The following PDE3A variants were observed in gnomAD, a reference collection of about 807,000 sequenced individuals.
PDE3A encodes the protein cGMP-inhibited 3',5'-cyclic phosphodiesterase 3A.
Under a neutral mutation model 98.3 loss-of-function variants are expected in PDE3A, and 43 were observed. The ratio of observed to expected loss-of-function variants is 0.44; its 90% CI spans 0.34 to 0.56. PDE3A has a LOEUF of 0.56. PDE3A is among the 20% of genes least tolerant of loss of function. The pLI is 0.01. For synonymous variants in PDE3A, 663 were observed against 567.9 expected, an observed-to-expected ratio of 1.17 and a Z score of -2.38; for missense variants, 1,427 against 1,440.7, an observed-to-expected ratio of 0.99 and a Z score of 0.15.
chr12:20,552,746 C>A lies in PDE3A; in HGVS notation c.961-3914C>A. 6.2e-7 allele frequency: 1 copy of A among 1,614,066 alleles called. No individual in the cohort carries two copies. The highest frequency in any genetic ancestry group is 8.5e-7 in the Non-Finnish European group (1 of 1,179,898). On this transcript the variant is annotated intron_variant, in intron 1 of 15. Transcript: ENST00000359062. The surrounding 1 kb of genome is among the most constrained non-coding windows in gnomAD (Gnocchi z 5.1). ...CTGGCGTCACTCAAGGACCGGCCGG[C>A]GAGCGGCAGCCCGTTCCAGTTGTTC...
At chr12:20,469,271 C>T (rs1945395812) in intron 1 of PDE3A, among the ~76,000 whole-genome samples, 1 of 151,948 alleles carries the variant, frequency 6.6e-6, no homozygotes, top group South Asian at 2.1e-4. Flanking sequence ...TAATGAATAC[C>T]CTTCTAGTTA....
chr12:20,535,312 C>A (rs1382999416), intron 1 of PDE3A, among the ~76,000 whole-genome samples: 1 of 152,128 alleles, frequency 6.6e-6, no homozygotes, highest in Non-Finnish European at 1.5e-5. Flanking sequence ...TTCACTGATG[C>A]CCCAGCCTCT....
At chr12:20,615,207 T>TTTAAC (rs1943975146) in intron 3 of PDE3A, among the ~76,000 whole-genome samples, 1 of 151,880 alleles carries the variant, frequency 6.6e-6, no homozygotes, top group Non-Finnish European at 1.5e-5. Flanking sequence ...CCTGGCCCAG[T>TTTAAC]TTAACTTTTA....
intron 15 of PDE3A, among the ~76,000 whole-genome samples, chr12:20,667,302 G>T (rs544291097): frequency 2.1e-4 from 32 of 152,086 alleles, no homozygotes; most frequent in African/African-American, 7.5e-4. Context: ...GTCTGTATTT[G>T]TTTTTGTTGC....
rs989316924 is a variant in PDE3A, at chr12:20,445,010, C to T, written c.960+74766C>T. Reference sequence around the variant, plus strand: ...ACCTAATGTCAAGCCTTAGAAAACACCTCATACTGTGGCCAGCTGTCATCA... The same window carrying T: ...ACCTAATGTCAAGCCTTAGAAAACATCTCATACTGTGGCCAGCTGTCATCA... On this transcript the variant is annotated intron_variant, in intron 1 of 15. Coordinates refer to ENST00000359062, the MANE Select transcript of PDE3A (RefSeq NM_000921.5). Among the ~76,000 whole-genome samples the T allele has an allele frequency of 2.8e-4, 42 of 152,196 alleles. 1 individual carries two copies. The highest frequency in any genetic ancestry group is 9.7e-4 in the African/African-American group (40 of 41,436).
chr12:20,686,015 G>A lies in PDE3A; in HGVS notation c.*5744G>A, dbSNP rs1035452794. Among the ~76,000 whole-genome samples, 7 of 151,966 alleles carry A rather than the reference G, an allele frequency of 4.6e-5. No homozygotes were observed. Among genetic ancestry groups the A allele is most frequent in the East Asian group, 1.9e-4 (1 of 5,192 alleles). ...AATGAAACCCACAAAATGACATTCC[G>A]TGGTACTGAGTATTTTCACATAATC... On this transcript the variant is annotated 3_prime_UTR_variant, in exon 16 of 16. Coordinates refer to ENST00000359062, the MANE Select transcript of PDE3A (RefSeq NM_000921.5).
intron 1 of PDE3A, among the ~76,000 whole-genome samples, chr12:20,406,427 T>C (rs932016193): frequency 6.6e-6 from 1 of 152,196 alleles, no homozygotes; most frequent in African/African-American, 2.4e-5. Context: ...TCCTAATAGG[T>C]GTGAGGGAAT....
At chr12:20,430,024 T>A (rs1311863986) in intron 1 of PDE3A, among the ~76,000 whole-genome samples, 3 of 152,212 alleles carry the variant, frequency 2.0e-5, no homozygotes, top group African/African-American at 7.2e-5. Flanking sequence ...CTCAGTTTTA[T>A]GTGAACTGTA....
intron 1 of PDE3A, among the ~76,000 whole-genome samples, chr12:20,525,714 T>C (rs1020346945): frequency 1.1e-4 from 16 of 152,160 alleles, no homozygotes; most frequent in Non-Finnish European, 1.9e-4. Flanking sequence ...TTTGACCGAC[T>C]ACAAAATATT....
chr12:20,613,037 A>G (rs1943907934), intron 2 of PDE3A, among the ~76,000 whole-genome samples: 1 of 152,146 alleles, frequency 6.6e-6, no homozygotes, highest in Admixed American at 6.6e-5. Context: ...TTAAAATATT[A>G]CTAAAAATAA....
rs148683207 is a variant in PDE3A at position 20,616,232 on chromosome 12, C to T, written c.1272C>T (p.Arg424=). 4.3e-5 allele frequency: 69 copies of T among 1,613,610 alleles called. No homozygotes were observed. In the African/African-American group the frequency reaches 8.7e-4, roughly 20 times the overall value. The change falls in exon 4 of 16, where the codon CGC becomes CGT. Residue 424 remains arginine (R), a splice_region_variant and synonymous_variant. Transcript: ENST00000359062. ...SEKDKLAIPK[R]LRRSLPPGLL... ...ATGAAGTCAAGTCTCTTTCCTAGCG[C>T]CTGAGAAGGAGTTTGCCTCCTGGCT...
intron 1 of PDE3A, among the ~76,000 whole-genome samples, chr12:20,391,090 G>A (rs1261689729): frequency 6.6e-6 from 1 of 151,750 alleles, no homozygotes; most frequent in Non-Finnish European, 1.5e-5. Flanking sequence ...AAGTACATGG[G>A]CAAGGTTCTT....
chr12:20,569,421 C>T (rs1370685143), intron 2 of PDE3A, among the ~76,000 whole-genome samples: 1 of 152,024 alleles, frequency 6.6e-6, no homozygotes, highest in Non-Finnish European at 1.5e-5. Flanking sequence ...ATTAGGGTTA[C>T]AATAGTATGT....
chr12:20,597,546 G>T (rs902873427), intron 2 of PDE3A, among the ~76,000 whole-genome samples: 2 of 151,904 alleles, frequency 1.3e-5, no homozygotes, highest in Non-Finnish European at 2.9e-5. Context: ...GAATGATAAT[G>T]GTGACTCTGT....
chr12:20,589,913 T>C (rs1272799530), intron 2 of PDE3A, among the ~76,000 whole-genome samples: 2 of 151,588 alleles, frequency 1.3e-5, no homozygotes, highest in Non-Finnish European at 2.9e-5. Context: ...TTCACATTAG[T>C]TCATATGAAA....
At chr12:20,665,826 C>A (rs145322726) in intron 15 of PDE3A, among the ~76,000 whole-genome samples, 2,478 of 151,848 alleles carry the variant, frequency 0.016, 26 homozygotes, top group Non-Finnish European at 0.022. Context: ...TAATATGCAA[C>A]TTTTTGTATT....
chr12:20,619,160 A>G (rs1222842223), intron 4 of PDE3A, among the ~76,000 whole-genome samples: 2 of 127,994 alleles, frequency 1.6e-5, no homozygotes, highest in African/African-American at 5.9e-5. Flanking sequence ...ACTATAATGC[A>G]TTTATATATA....
chr12:20,440,035 A>G (rs1431312668), intron 1 of PDE3A, among the ~76,000 whole-genome samples: 6 of 152,128 alleles, frequency 3.9e-5, no homozygotes, highest in Admixed American at 3.9e-4. Context: ...GATTGTTTTT[A>G]TTTGGGTACT....
intron 1 of PDE3A, among the ~76,000 whole-genome samples, chr12:20,439,774 C>T (rs1249624162): frequency 2.0e-5 from 3 of 152,078 alleles, no homozygotes; most frequent in African/African-American, 7.2e-5. Context: ...ATGGGACACC[C>T]TCCTCTCACC....
Sources: allele counts gnomAD v4.1 joint callset (sites outside exome capture counted in the v4.1 genomes callset), GRCh38; gene constraint gnomAD v4.1.1; non-coding constraint Gnocchi (gnomAD v3.1); transcripts MANE v1.5; gene names NCBI Gene and HGNC (gene_info 2026-07-23, HGNC 2026-07-21).